The following TMEM151B variants were observed in gnomAD, a reference collection of about 807,000 sequenced individuals.
TMEM151B encodes transmembrane protein 151B.
TMEM151B carries 18 observed loss-of-function variants against 33.0 expected under a neutral mutation model. That is an observed-to-expected ratio of 0.55 (90% CI 0.38 to 0.81). The LOEUF (loss-of-function observed/expected upper bound fraction) is 0.81, where lower values mean the gene tolerates loss of function less well. Among genes scored for constraint, TMEM151B ranks in the 30% least tolerant of loss-of-function variants. TMEM151B has a pLI of 0.00. For synonymous variants in TMEM151B, 354 were observed against 373.6 expected, an observed-to-expected ratio of 0.95 and a Z score of 0.61; for missense variants, 672 against 843.4, an observed-to-expected ratio of 0.80 and a Z score of 2.52.
rs1160425140 is a variant in TMEM151B at position 44,275,914 on chromosome 6, C to T, written c.1088C>T (p.Pro363Leu). Residue 363 changes from proline (P) to leucine (L), a missense_variant, in exon 3 of 3, where the codon CCG becomes CTG. By Grantham distance (98) the Pro-to-Leu change is moderately conservative (BLOSUM62 -3). Around this residue, in one of 3 missense-constraint regions of TMEM151B, gnomAD observed 324 missense variants for 363.1 expected, o/e 0.89. Transcript: ENST00000451188. ...ELLPPLTHRL[P>L]RVNTVDSTEL... ...CTGCCCCCGCTCACCCACCGCCTGC[C>T]GCGGGTCAACACAGTAGACAGCACG... is the stretch of plus-strand genomic sequence containing the variant. 5.2e-6 allele frequency: 8 copies of T among 1,527,708 alleles called. No individual in the cohort carries two copies. Among genetic ancestry groups the T allele is most frequent in the Middle Eastern group, 1.7e-4 (1 of 5,882 alleles). The allele number at this position is 1,527,708 out of a possible 1,614,324, so 94.6% of individuals were successfully genotyped here.
intron 2 of TMEM151B, 87 bp downstream of exon 2, chr6:44,273,593 G>A (rs1040340035): frequency 7.3e-5 from 103 of 1,417,892 alleles, no homozygotes; most frequent in African/African-American, 8.6e-5. Context: ...TCCCTGGGGG[G>A]AAGGTGGGAG....
chr6:44,273,221 G>C lies in TMEM151B; in HGVS notation c.291G>C (p.Gln97His). Residue 97 changes from glutamine to histidine, a missense_variant, in exon 2 of 3, where the codon CAG (glutamine) becomes CAC (histidine). Coordinates refer to ENST00000451188, the MANE Select transcript of TMEM151B (RefSeq NM_001137560.2). ...VTRLTFSSAY[Q>H]GNSLMYHDSP... ...GCCTCACCTTCAGCAGCGCCTACCAGGGCAACAGCCTCATGTACCATGACA... is the reference window on the plus strand; with the variant it reads ...GCCTCACCTTCAGCAGCGCCTACCACGGCAACAGCCTCATGTACCATGACA... 6.4e-7 allele frequency: 1 copy of C among 1,550,652 alleles called. No individual in the cohort carries two copies. Among genetic ancestry groups the C allele is most frequent in the Non-Finnish European group, 8.7e-7 (1 of 1,146,130 alleles).
In TMEM151B at chr6:44,273,293, C is replaced by T. The variant is rs1329169548; in HGVS notation, c.363C>T (p.Leu121=). The T allele has an allele frequency of 1.9e-6, 3 of 1,551,782 alleles. No homozygotes were observed. The highest frequency in any genetic ancestry group is 2.4e-5 in the South Asian group (2 of 84,066). ...GYVYIPLAFL[L]MLYAVYLVEC... is the part of the protein sequence containing the mutation. ...TCTACATCCCCCTGGCCTTCCTGCT[C>T]ATGTTGTACGCCGTCTACCTGGTGG... The change falls in exon 2 of 3, where the codon CTC becomes CTT. Residue 121 remains leucine (L), a synonymous_variant. Coordinates refer to ENST00000451188, the MANE Select transcript of TMEM151B (RefSeq NM_001137560.2).
chr6:44,275,696 G>T lies in TMEM151B; in HGVS notation c.870G>T (p.Pro290=), dbSNP rs370858094. 1 of 1,550,688 alleles carries T rather than the reference G, an allele frequency of 6.4e-7. No homozygotes were observed. Among genetic ancestry groups the T allele is most frequent in the Admixed American group, 2.0e-5 (1 of 51,002 alleles). Residue 290 remains proline (P), a synonymous_variant, in exon 3 of 3, where the codon CCG becomes CCT. Transcript: ENST00000451188. ...FREFMVAFPD[P]ARPPWYACSS... ...AGTTCATGGTGGCCTTCCCGGACCCGGCCCGGCCGCCCTGGTACGCCTGCT... is the reference window on the plus strand; with the variant it reads ...AGTTCATGGTGGCCTTCCCGGACCCTGCCCGGCCGCCCTGGTACGCCTGCT...
intron 2 of TMEM151B, among the ~76,000 whole-genome samples, chr6:44,274,899 A>C (rs1276738013): frequency 6.6e-6 from 1 of 151,972 alleles, no homozygotes; most frequent in Non-Finnish European, 1.5e-5. Context: ...CGGGTGGATC[A>C]CGAGGTCAAG....
In TMEM151B at chr6:44,273,282, G is replaced by A; in HGVS notation, c.352G>A (p.Ala118Thr). 1 of 1,551,756 alleles carries A rather than the reference G, an allele frequency of 6.4e-7. No individual in the cohort carries two copies. The highest frequency in any genetic ancestry group is 8.7e-7 in the Non-Finnish European group (1 of 1,147,018). Residue 118 changes from alanine (A) to threonine (T), a missense_variant, in exon 2 of 3, where the codon GCC becomes ACC. This residue lies in a region of TMEM151B where 285 missense variants were observed against 423.1 expected (regional missense o/e 0.67). Transcript: ENST00000451188. Reference protein sequence around the residue: ...CSNGYVYIPLAFLLMLYAVYL... With the variant: ...CSNGYVYIPLTFLLMLYAVYL... ...CAACGGCTATGTCTACATCCCCCTGGCCTTCCTGCTCATGTTGTACGCCGT... is the reference window on the plus strand; with the variant it reads ...CAACGGCTATGTCTACATCCCCCTGACCTTCCTGCTCATGTTGTACGCCGT...
intron 1 of TMEM151B, 70 bp downstream of exon 1, chr6:44,270,947 C>T: frequency 3.0e-6 from 3 of 990,858 alleles, no homozygotes; most frequent in Non-Finnish European, 3.6e-6. Flanking sequence ...TCGCACGCGT[C>T]CCCCGCTGGT....
At position 44,275,609 on chromosome 6, in the gene TMEM151B, G is replaced by A. The variant is rs1782552481; in HGVS notation, c.783G>A (p.Glu261=). The change falls in exon 3 of 3, where the codon GAG becomes GAA. Residue 261 remains glutamate, a synonymous_variant. Coordinates refer to ENST00000451188, the MANE Select transcript of TMEM151B (RefSeq NM_001137560.2). ...GCGCGCGCTTCTTCGCAGAGAACGA[G>A]GGCCTAGACGACTACATGGAGGCAC... ...CQRARFFAEN[E]GLDDYMEARE... The A allele has an allele frequency of 6.4e-7, 1 of 1,551,206 alleles. No individual in the cohort carries two copies. The highest frequency in any genetic ancestry group is 8.7e-7 in the Non-Finnish European group (1 of 1,146,748).
At chr6:44,272,932 T>C (rs1006511679) in intron 1 of TMEM151B, 134 bp from the exon 2 acceptor site, 4 of 777,106 alleles carry the variant, frequency 5.1e-6, no homozygotes, top group Non-Finnish European at 8.1e-6. Context: ...TTTCTCTCCA[T>C]ATCCCTGTTT....
chr6:44,272,234 C>A (rs1157717102), intron 1 of TMEM151B, among the ~76,000 whole-genome samples: 1 of 152,182 alleles, frequency 6.6e-6, no homozygotes, highest in African/African-American at 2.4e-5. Flanking sequence ...ACCCCAGTCC[C>A]ACATCCCCTA....
Position 44,276,496 on chromosome 6 carries a change from G to A in TMEM151B, c.1670G>A (p.Arg557His). 3 of 1,426,334 alleles carry A rather than the reference G, an allele frequency of 2.1e-6. No homozygotes were observed. The highest frequency in any genetic ancestry group is 2.9e-5 in the East Asian group (1 of 34,086). The allele number at this position is 1,426,334 out of a possible 1,614,324, so 88.4% of individuals were successfully genotyped here. ...GGCCACAGCCACCGGCCGCTGCACC[G>A]CCACGGCTCCTGCGTAGAGACCTCA... ...CLGHSHRPLH[R>H]HGSCVETSL The change falls in exon 3 of 3, where the codon CGC becomes CAC. Residue 557 changes from arginine (R) to histidine (H), a missense_variant. This residue lies in a region of TMEM151B where 324 missense variants were observed against 363.1 expected (regional missense o/e 0.89). Coordinates refer to ENST00000451188, the MANE Select transcript of TMEM151B (RefSeq NM_001137560.2).
Position 44,275,848 on chromosome 6 carries a change from C to T in TMEM151B, c.1022C>T (p.Ala341Val). Reference sequence around the variant, plus strand: ...TTTGGCCTGGAGGGCCCGGGCTCGGCCAGCAGCGCAGGCGGTGGCCTCAGC... The same window carrying T: ...TTTGGCCTGGAGGGCCCGGGCTCGGTCAGCAGCGCAGGCGGTGGCCTCAGC... ...KLFGLEGPGS[A>V]SSAGGGLSPS... is the part of the protein sequence containing the mutation. Residue 341 changes from alanine (A) to valine (V), a missense_variant, in exon 3 of 3, where the codon GCC (alanine) becomes GTC (valine). Transcript: ENST00000451188. 6.5e-7 allele frequency: 1 copy of T among 1,541,952 alleles called. No homozygotes were observed. Among genetic ancestry groups the T allele is most frequent in the Non-Finnish European group, 8.7e-7 (1 of 1,145,764 alleles).
Position 44,275,411 on chromosome 6 carries a change from C to T in TMEM151B, c.585C>T (p.His195=), listed in dbSNP as rs1299582848. ...TGCCCCCCGCGCCGCAGGTCTACCA[C>T]GAACGCGTCAACACGCACGTGGCGG... The part of the protein sequence containing the change: ...GDAYTTTQVY[H]ERVNTHVAEA... The change falls in exon 3 of 3, where the codon CAC becomes CAT. Residue 195 remains histidine, a synonymous_variant. Transcript: ENST00000451188. The T allele has an allele frequency of 2.6e-6, 4 of 1,521,720 alleles. No individual in the cohort carries two copies. Among genetic ancestry groups the T allele is most frequent in the Admixed American group, 4.1e-5 (2 of 49,216 alleles). The allele number at this position is 1,521,720 out of a possible 1,614,324, so 94.3% of individuals were successfully genotyped here. A position where few individuals can be genotyped will look rare whatever the true frequency, so the allele number is the denominator to read the frequency against.
chr6:44,274,306 AC>A (rs1379953461), intron 2 of TMEM151B, among the ~76,000 whole-genome samples: 1 of 152,190 alleles, frequency 6.6e-6, no homozygotes, highest in Non-Finnish European at 1.5e-5. Flanking sequence ...GAGTTCTTTC[AC>A]AGGTATGGAC....
Position 44,276,500 on chromosome 6 carries a change from CG to C in TMEM151B, c.1676del (p.Gly559AlafsTer4). ...GHSHRPLHRHGSCVETSL is the reference protein window; with the variant it reads ...GHSHRPLHRHXSCVETSL Reference sequence around the variant, plus strand: ...ACAGCCACCGGCCGCTGCACCGCCACGGCTCCTGCGTAGAGACCTCACTGTG... The same window carrying C: ...ACAGCCACCGGCCGCTGCACCGCCACGCTCCTGCGTAGAGACCTCACTGTG... On this transcript the variant is annotated frameshift_variant, in exon 3 of 3. Transcript: ENST00000451188. LOFTEE classifies it high-confidence loss of function. 2 of 1,419,328 alleles carry C rather than the reference CG, an allele frequency of 1.4e-6. No individual in the cohort carries two copies. Among genetic ancestry groups the C allele is most frequent in the Non-Finnish European group, 1.8e-6 (2 of 1,082,622 alleles). 87.9% of individuals were successfully genotyped at this position (1,419,328 alleles called of 1,614,324 possible). A position where few individuals can be genotyped will look rare whatever the true frequency, so the allele number is the denominator to read the frequency against.
chr6:44,272,550 G>T lies in TMEM151B; in HGVS notation c.136-516G>T, dbSNP rs113890196. Among the ~76,000 whole-genome samples, 632 of 152,194 alleles carry T rather than the reference G, an allele frequency of 4.2e-3. 3 individuals carry two copies. The highest frequency in any genetic ancestry group is 0.015 in the African/African-American group (613 of 41,518). ...GACTGAAAAAAATCTGGAAGTGAGG[G>T]CCCCACTTGTTAAGTGGGGAAGTGA... On this transcript the variant is annotated intron_variant, in intron 1 of 2. Coordinates refer to ENST00000451188, the MANE Select transcript of TMEM151B (RefSeq NM_001137560.2).
chr6:44,271,365 GT>G (rs1174852556), intron 1 of TMEM151B, among the ~76,000 whole-genome samples: 7 of 73,038 alleles, frequency 9.6e-5, no homozygotes, highest in African/African-American at 4.8e-4. Context: ...GTGTGTGTGT[GT>G]GTGGGGGGGG....
Position 44,273,369 on chromosome 6 carries a change from A to G in TMEM151B, c.439A>G (p.Ser147Gly). 6 of 1,551,556 alleles carry G rather than the reference A, an allele frequency of 3.9e-6. 1 individual carries two copies. The South Asian group carries it at 7.1e-5, about 18-fold the overall frequency. Residue 147 changes from serine to glycine, a missense_variant, in exon 2 of 3, where the codon AGC becomes GGC. This residue lies in a region of TMEM151B where 285 missense variants were observed against 423.1 expected (regional missense o/e 0.67). Transcript: ENST00000451188. ...RHELQHRVDV[S>G]SVRERVGRMQ... ...TGAGCTGCAGCACCGTGTTGATGTGAGCAGTGTGCGGGAACGTGTGGGCCG... is the reference window on the plus strand; with the variant it reads ...TGAGCTGCAGCACCGTGTTGATGTGGGCAGTGTGCGGGAACGTGTGGGCCG...
At chr6:44,273,601 G>T (rs2153337589) in intron 2 of TMEM151B, 95 bp downstream of exon 2, 1 of 1,387,978 alleles carries the variant, frequency 7.2e-7, no homozygotes, top group Non-Finnish European at 9.7e-7. Flanking sequence ...GGGAAGGTGG[G>T]AGGAGCAAAA....
Sources: gnomAD v4.1 joint callset for allele counts (sites outside exome capture counted in the v4.1 genomes callset) on GRCh38, gnomAD v4.1.1 for gene constraint, gnomAD v4.1.1 regional missense constraint, MANE v1.5 for transcripts, NCBI Gene and HGNC (gene_info 2026-07-23, HGNC 2026-07-21) for gene names.